CEP192: variants seen among roughly 807,000 people sequenced by gnomAD.
The protein encoded by CEP192 is centrosomal protein of 192 kDa.
A neutral mutation model predicts 271.8 loss-of-function variants in CEP192; 151 were observed. The ratio of observed to expected loss-of-function variants is 0.56; its 90% CI spans 0.49 to 0.64. The LOEUF is 0.64. CEP192 is among the 30% of genes least tolerant of loss of function. The pLI is 0.00. For missense variants in CEP192, 2,910 were observed against 3,020.5 expected, an observed-to-expected ratio of 0.96 and a Z score of 0.86; for synonymous variants, 995 against 1,076.5, an observed-to-expected ratio of 0.92 and a Z score of 1.48.
chr18:13,088,793 C>A, intron 32 of CEP192: 1 of 286,060 alleles, frequency 3.5e-6, no homozygotes, highest in South Asian at 3.0e-5. Context: ...TTAATGGCGA[C>A]TTGCTACATG....
At chr18:13,098,222 C>T (rs1315384985) in intron 36 of CEP192, among the ~76,000 whole-genome samples, 2 of 151,708 alleles carry the variant, frequency 1.3e-5, no homozygotes, top group African/African-American at 4.8e-5. Flanking sequence ...TAGGGGCGGC[C>T]GGGCAGAGGC....
intron 13 of CEP192, among the ~76,000 whole-genome samples, chr18:13,039,673 T>A (rs1426034476): frequency 6.6e-6 from 1 of 152,018 alleles, no homozygotes; most frequent in Non-Finnish European, 1.5e-5. Context: ...TCATGAGGGC[T>A]CCTGGTAGGA....
rs2039201821 is a variant in CEP192 at position 13,092,637 on chromosome 18, T to G, written c.6254+110T>G. On this transcript the variant is annotated intron_variant, in intron 34 of 44. Coordinates refer to ENST00000506447, the MANE Select transcript of CEP192 (RefSeq NM_032142.4). Reference sequence around the variant, plus strand: ...TATTATTATTATTTTGTCTCAAAATTTTTATTTCACCTTTATTTTAAAATT... The same window carrying G: ...TATTATTATTATTTTGTCTCAAAATGTTTATTTCACCTTTATTTTAAAATT... 3 of 810,228 alleles carry G rather than the reference T, an allele frequency of 3.7e-6. No individual in the cohort carries two copies. In the African/African-American group the frequency reaches 5.3e-5, roughly 14 times the overall value. 50.2% of individuals were successfully genotyped at this position (810,228 alleles called of 1,614,324 possible). A position where few individuals can be genotyped will look rare whatever the true frequency, so the allele number is the denominator to read the frequency against.
intron 12 of CEP192, 123 bp from the exon 13 acceptor site, chr18:13,038,247 T>C: frequency 1.3e-6 from 1 of 742,974 alleles, no homozygotes; most frequent in South Asian, 1.9e-5. Flanking sequence ...ATTTTTTTTT[T>C]GTCTAGTTTT....
At chr18:13,090,875 G>C (rs539595843) in intron 33 of CEP192, among the ~76,000 whole-genome samples, 1 of 152,218 alleles carries the variant, frequency 6.6e-6, no homozygotes, top group African/African-American at 2.4e-5. Flanking sequence ...AGATTGTAGG[G>C]AACCAGAGTT....
intron 6 of CEP192, among the ~76,000 whole-genome samples, chr18:13,016,583 T>C (rs1326750873): frequency 3.9e-5 from 6 of 152,222 alleles, no homozygotes; most frequent in African/African-American, 1.4e-4. Context: ...TGCTTTAGTA[T>C]GCTGGATTCT....
rs2035522699 is a variant in CEP192 at position 13,029,975 on chromosome 18, C to T, written c.1363C>T (p.His455Tyr). The stretch of plus-strand genomic sequence containing the variant: ...TTGTGAAAGGCGAACATGTGAATGT[C>T]ACGAGTCCATCGAAAAGAATAAAGA... ...PTCERRTCEC[H>Y]ESIEKNKDKT... Residue 455 changes from histidine to tyrosine, a missense_variant, in exon 10 of 45, where the codon CAC becomes TAC. His to Tyr is a moderately conservative substitution (Grantham distance 83, BLOSUM62 2). Coordinates refer to ENST00000506447, the MANE Select transcript of CEP192 (RefSeq NM_032142.4). 6.5e-7 allele frequency: 1 copy of T among 1,550,124 alleles called. No individual in the cohort carries two copies.
At chr18:13,057,784 G>T (rs2037193548) in intron 20 of CEP192, 51 bp downstream of exon 20, 2 of 1,568,320 alleles carry the variant, frequency 1.3e-6, no homozygotes, top group African/African-American at 1.4e-5. Flanking sequence ...TTGTGATTAG[G>T]TGCTTGATTT....
At chr18:13,066,963 CTGTGTG>C (rs56795701) in intron 21 of CEP192, among the ~76,000 whole-genome samples, 42 of 143,510 alleles carry the variant, frequency 2.9e-4, no homozygotes, top group East Asian at 1.4e-3. Context: ...GTGAGCACGT[CTGTGTG>C]TGTGTGTGTG....
Position 13,124,887 on chromosome 18 carries a change from T to C in CEP192, c.*117T>C. 8.0e-6 allele frequency: 7 copies of C among 879,636 alleles called. No homozygotes were observed. Among genetic ancestry groups the C allele is most frequent in the South Asian group, 3.7e-5 (2 of 53,854 alleles). 54.5% of individuals were successfully genotyped at this position (879,636 alleles called of 1,614,324 possible). ...TTTGTATGATGGATATCTATAATTG[T>C]AGATTTTGTTTTTACAAGCTAATAC... On this transcript the variant is annotated 3_prime_UTR_variant, in exon 45 of 45. Transcript: ENST00000506447.
At chr18:13,087,489 A>C in intron 31 of CEP192, 42 bp from the exon 32 acceptor site, 1 of 1,091,570 alleles carries the variant, frequency 9.2e-7, no homozygotes. Context: ...ATTACTTAAA[A>C]ATATTTAATA....
chr18:13,096,689 C>G (rs1486176987), intron 36 of CEP192, among the ~76,000 whole-genome samples: 2 of 152,214 alleles, frequency 1.3e-5, no homozygotes, highest in Non-Finnish European at 2.9e-5. Flanking sequence ...AACACTTCTG[C>G]CATTTCTTAC....
chr18:13,070,981 A>C, intron 27 of CEP192, 58 bp from the exon 28 acceptor site: 1 of 1,405,364 alleles, frequency 7.1e-7, no homozygotes, highest in Non-Finnish European at 1.0e-6. Context: ...ACATATAGGA[A>C]ATAGTTGCGA....
intron 38 of CEP192, among the ~76,000 whole-genome samples, chr18:13,102,266 G>A (rs1192848364): frequency 2.0e-5 from 3 of 151,690 alleles, no homozygotes; most frequent in African/African-American, 7.3e-5. Flanking sequence ...TCAGTGAAAG[G>A]CTTCTGTTTC....
intron 11 of CEP192, among the ~76,000 whole-genome samples, chr18:13,031,383 G>A (rs1389692680): frequency 1.3e-5 from 2 of 151,646 alleles, no homozygotes; most frequent in Non-Finnish European, 3.0e-5. Context: ...AAGTAGCTGG[G>A]ACTACAGGCA....
intron 11 of CEP192, among the ~76,000 whole-genome samples, chr18:13,031,542 CG>C (rs2143582866): frequency 6.6e-6 from 1 of 152,190 alleles, no homozygotes; most frequent in East Asian, 1.9e-4. Flanking sequence ...CCACCGCGCC[CG>C]GCCACCTGGC....
intron 6 of CEP192, among the ~76,000 whole-genome samples, chr18:13,016,627 T>C (rs1050099704): frequency 6.6e-6 from 1 of 152,062 alleles, no homozygotes; most frequent in African/African-American, 2.4e-5. Context: ...AGGTGATGAG[T>C]GTTGTTGAGA....
At chr18:13,107,784 A>G (rs2040022824) in intron 40 of CEP192, among the ~76,000 whole-genome samples, 1 of 152,182 alleles carries the variant, frequency 6.6e-6, no homozygotes, top group Admixed American at 6.5e-5. Context: ...TGGAGCAAAC[A>G]GCACTGTGAT....
chr18:13,063,475 G>A lies in CEP192; in HGVS notation c.4488+4163G>A, dbSNP rs140279499. Among the ~76,000 whole-genome samples the A allele has an allele frequency of 2.4e-3, 371 of 152,230 alleles. 9 individuals are homozygous for A. The East Asian group carries it at 0.06, about 25-fold the overall frequency. ...CATTTCTCTGATGATCAGTGATGTCGAGCACCTTTTCATATGCCCATTTGA... is the reference window on the plus strand; with the variant it reads ...CATTTCTCTGATGATCAGTGATGTCAAGCACCTTTTCATATGCCCATTTGA... On this transcript the variant is annotated intron_variant, in intron 21 of 44. Coordinates refer to ENST00000506447, the MANE Select transcript of CEP192 (RefSeq NM_032142.4).
Sources: allele counts gnomAD v4.1 joint callset (sites outside exome capture counted in the v4.1 genomes callset), GRCh38; gene constraint gnomAD v4.1.1; transcripts MANE v1.5; gene names NCBI Gene and HGNC (gene_info 2026-07-23, HGNC 2026-07-21).